NLRP4: variants seen among roughly 807,000 people sequenced by gnomAD.
NLRP4 encodes NLR family pyrin domain containing 4.
In NLRP4, 44 loss-of-function variants were observed where a neutral mutation model predicts 84.7. The observed-to-expected ratio is 0.52, with a 90% CI of 0.41 to 0.67. NLRP4 has a LOEUF of 0.67. Among genes scored for constraint, NLRP4 ranks in the 30% least tolerant of loss-of-function variants. The pLI is 0.00. For synonymous variants in NLRP4, 544 were observed against 476.4 expected (o/e 1.14, Z -1.85); for missense variants, 1,260 against 1,219.4 (o/e 1.03, Z -0.50).
intron 4 of NLRP4, 87 bp downstream of exon 4, chr19:55,861,634 C>G: frequency 8.0e-7 from 1 of 1,253,550 alleles, no homozygotes; most frequent in Non-Finnish European, 1.1e-6. Context: ...GCTAACTGCA[C>G]AAGCAAAGAA....
intron 5 of NLRP4, among the ~76,000 whole-genome samples, chr19:55,864,827 T>C (rs975257582): frequency 6.6e-5 from 10 of 152,184 alleles, no homozygotes; most frequent in African/African-American, 2.4e-4. Flanking sequence ...TTGCTTTTCC[T>C]GAATGACTAA....
At chr19:55,849,988 TCCGAGA>T (rs1282639521) in intron 1 of NLRP4, among the ~76,000 whole-genome samples, 1 of 26,590 alleles carries the variant, frequency 3.8e-5, no homozygotes, top group Non-Finnish European at 1.6e-4. Context: ...CGGTGTAATT[TCCGAGA>T]CTGCGGTGTG....
chr19:55,842,052 A>G (rs568873167), intron 1 of NLRP4, among the ~76,000 whole-genome samples: 78 of 152,232 alleles, frequency 5.1e-4, no homozygotes, highest in Non-Finnish European at 9.1e-4. Flanking sequence ...ATTCCTACCA[A>G]TGGTGTGTAA....
At chr19:55,873,984 T>C (rs1375623500) in intron 7 of NLRP4, among the ~76,000 whole-genome samples, 1 of 151,900 alleles carries the variant, frequency 6.6e-6, no homozygotes, top group Non-Finnish European at 1.5e-5. Context: ...TTTTTAATGG[T>C]AAAATAAACC....
chr19:55,857,219 A>G (rs1006901504), intron 2 of NLRP4, among the ~76,000 whole-genome samples: 1 of 152,186 alleles, frequency 6.6e-6, no homozygotes, highest in Non-Finnish European at 1.5e-5. Flanking sequence ...GTATGTGTCT[A>G]TTGAAAGCAG....
chr19:55,850,172 TGGCTGCGGTGTAATTTCC>T (rs1984017413), intron 1 of NLRP4, among the ~76,000 whole-genome samples: 1 of 79,280 alleles, frequency 1.3e-5, no homozygotes, highest in African/African-American at 7.5e-5. Context: ...GTAATTTCCG[TGGCTGCGGTGTAATTTCC>T]GTGGCTGCGG....
intron 1 of NLRP4, among the ~76,000 whole-genome samples, chr19:55,837,504 A>G (rs1983391644): frequency 6.6e-6 from 1 of 152,052 alleles, no homozygotes; most frequent in African/African-American, 2.4e-5. Flanking sequence ...CAATTATGCC[A>G]TTTGTTTAGA....
In NLRP4 at chr19:55,856,690, A is replaced by AT. The variant is rs1288168216; in HGVS notation, c.281-979dup. On this transcript the variant is annotated intron_variant, in intron 2 of 9. Transcript: ENST00000301295. ...ACCACCACGCCCGGCTAATTTTTGT[A>AT]TTTTTAGTAGAGACAGGGTTTCACC... is the stretch of plus-strand genomic sequence containing the variant. Among the ~76,000 whole-genome samples the AT allele has an allele frequency of 2.0e-5, 3 of 151,704 alleles. No homozygotes were observed. In the East Asian group the frequency reaches 5.8e-4, roughly 30 times the overall value.
Position 55,850,869 on chromosome 19 carries a change from A to C in NLRP4, c.-65-1147A>C, listed in dbSNP as rs867645351. Among the ~76,000 whole-genome samples, 201 of 22,320 alleles carry C rather than the reference A, an allele frequency of 9.0e-3. 7 individuals carry two copies. The highest frequency in any genetic ancestry group is 0.033 in the East Asian group (22 of 658). The allele number at this position is 22,320 out of a possible 152,430, so 14.6% of individuals were successfully genotyped here. A position where few individuals can be genotyped will look rare whatever the true frequency, so the allele number is the denominator to read the frequency against. On this transcript the variant is annotated intron_variant, in intron 1 of 9. Coordinates refer to ENST00000301295, the MANE Select transcript of NLRP4 (RefSeq NM_134444.5). Reference sequence around the variant, plus strand: ...AATTTACGAGGCTGCGGTGTAATTTACGAGGCTGCGGTGTAATGTCCGTGG... The same window carrying C: ...AATTTACGAGGCTGCGGTGTAATTTCCGAGGCTGCGGTGTAATGTCCGTGG...
intron 4 of NLRP4, 117 bp downstream of exon 4, chr19:55,861,664 C>A: frequency 2.1e-6 from 2 of 944,730 alleles, no homozygotes; most frequent in Non-Finnish European, 3.3e-6. Flanking sequence ...AGAGCAGTTG[C>A]TCAACCTCAG....
At chr19:55,848,538 G>A (rs1044413707) in intron 1 of NLRP4, among the ~76,000 whole-genome samples, 2 of 151,948 alleles carry the variant, frequency 1.3e-5, no homozygotes, top group African/African-American at 2.4e-5. Context: ...AGAGTAGCTG[G>A]GATTACAGGT....
rs75783481 is a variant in NLRP4, at chr19:55,851,573, A to T, written c.-65-443A>T. Among the ~76,000 whole-genome samples, 298 of 81,468 alleles carry T rather than the reference A, an allele frequency of 3.7e-3. 1 individual carries two copies. The highest frequency in any genetic ancestry group is 6.4e-3 in the Middle Eastern group (1 of 156). The allele number at this position is 81,468 out of a possible 152,430, so 53.4% of individuals were successfully genotyped here. ...GTCCGTGGCTGCGGTGTAATGTCCGAGGCTGCGGTGTAATGTCCGAGGCTG... is the reference window on the plus strand; with the variant it reads ...GTCCGTGGCTGCGGTGTAATGTCCGTGGCTGCGGTGTAATGTCCGAGGCTG... On this transcript the variant is annotated intron_variant, in intron 1 of 9. Transcript: ENST00000301295.
intron 6 of NLRP4, among the ~76,000 whole-genome samples, chr19:55,868,133 A>G (rs541371751): frequency 1.3e-5 from 2 of 152,346 alleles, no homozygotes; most frequent in South Asian, 2.1e-4. Flanking sequence ...GACTGTCTAT[A>G]CAGAACACGT....
At chr19:55,879,495 C>T (rs1408231274) in intron 9 of NLRP4, among the ~76,000 whole-genome samples, 1 of 150,600 alleles carries the variant, frequency 6.6e-6, no homozygotes. Flanking sequence ...GCCCCCACCC[C>T]AGTCTTTTAT....
intron 9 of NLRP4, among the ~76,000 whole-genome samples, chr19:55,880,024 C>T (rs186093694): frequency 9.1e-4 from 138 of 152,062 alleles, no homozygotes; most frequent in Non-Finnish European, 1.5e-3. Flanking sequence ...GAGTCCTTAA[C>T]ATTTTTCTCA....
chr19:55,845,832 G>T (rs1983774259), intron 1 of NLRP4, among the ~76,000 whole-genome samples: 1 of 141,646 alleles, frequency 7.1e-6, no homozygotes, highest in African/African-American at 3.0e-5. Flanking sequence ...CTTCTTTTGA[G>T]AAGTGTCTGT....
At chr19:55,838,035 C>CCAAAAA (rs59078329) in intron 1 of NLRP4, among the ~76,000 whole-genome samples, 52 of 132,568 alleles carry the variant, frequency 3.9e-4, no homozygotes, top group East Asian at 9.0e-4. Context: ...GACTCGGTCT[C>CCAAAAA]AAGCTGGATG....
chr19:55,846,673 T>C (rs571606785), intron 1 of NLRP4, among the ~76,000 whole-genome samples: 1 of 152,170 alleles, frequency 6.6e-6, no homozygotes, highest in Non-Finnish European at 1.5e-5. Context: ...GCATTTAGTG[T>C]GTCTAGGGAA....
At chr19:55,874,751 G>T (rs7256142) in intron 7 of NLRP4, among the ~76,000 whole-genome samples, 4,410 of 152,118 alleles carry the variant, frequency 0.029, 148 homozygotes, top group Middle Eastern at 0.11. Context: ...TTTGTGGCTA[G>T]CATAATCTTG....
Sources: allele counts gnomAD v4.1 joint callset (sites outside exome capture counted in the v4.1 genomes callset), GRCh38; gene constraint gnomAD v4.1.1; transcripts MANE v1.5; gene names NCBI Gene and HGNC (gene_info 2026-07-23, HGNC 2026-07-21).